The following GRB10 variants were observed in gnomAD, a reference collection of about 807,000 sequenced individuals.
GRB10 encodes growth factor receptor-bound protein 10.
Under a neutral mutation model 80.9 loss-of-function variants are expected in GRB10, and 20 were observed. The ratio of observed to expected loss-of-function variants is 0.25; its 90% CI spans 0.17 to 0.36. GRB10 has a LOEUF of 0.36. Ranked by LOEUF, GRB10 falls within the 10% of genes least tolerant of loss-of-function variation. The pLI, the probability that GRB10 is intolerant of heterozygous loss-of-function variation, is 1.00. For missense variants in GRB10, 548 were observed against 747.7 expected, an observed-to-expected ratio of 0.73 and a Z score of 3.12; for synonymous variants, 291 against 291.5, an observed-to-expected ratio of 1.00 and a Z score of 0.02.
chr7:50,613,759 G>T (rs2050012239), intron 12 of GRB10, among the ~76,000 whole-genome samples: 3 of 152,160 alleles, frequency 2.0e-5, no homozygotes, highest in Admixed American at 1.3e-4. Context: ...GCCTCTAGCT[G>T]GTGTGAATTA....
At chr7:50,790,205 G>A (rs1358650493) in intron 1 of GRB10, among the ~76,000 whole-genome samples, 1 of 152,152 alleles carries the variant, frequency 6.6e-6, no homozygotes, top group Non-Finnish European at 1.5e-5. Context: ...ACCAGCCAGG[G>A]GCTGAATGGA....
At chr7:50,638,136 T>C (rs1448370902) in intron 7 of GRB10, among the ~76,000 whole-genome samples, 1 of 152,160 alleles carries the variant, frequency 6.6e-6, no homozygotes, top group African/African-American at 2.4e-5. Context: ...CAAGATGGAT[T>C]AAAGACTTAA....
At chr7:50,597,527 T>C (rs2046878525) in intron 17 of GRB10, among the ~76,000 whole-genome samples, 2 of 152,158 alleles carry the variant, frequency 1.3e-5, no homozygotes, top group East Asian at 1.9e-4. Flanking sequence ...TAGAGGAAAA[T>C]GTGGGGCGTC....
At chr7:50,667,286 G>A (rs1008013175) in intron 7 of GRB10, among the ~76,000 whole-genome samples, 2 of 152,060 alleles carry the variant, frequency 1.3e-5, no homozygotes, top group South Asian at 2.1e-4. Flanking sequence ...CATAGATTTC[G>A]TTATGCTTTC....
intron 3 of GRB10, among the ~76,000 whole-genome samples, chr7:50,740,604 G>C (rs1013001692): frequency 6.6e-6 from 1 of 151,626 alleles, no homozygotes; most frequent in Admixed American, 6.6e-5. Flanking sequence ...CAATGTTCAC[G>C]GTATATTAAA....
At chr7:50,711,497 G>A (rs2065896928) in intron 4 of GRB10, among the ~76,000 whole-genome samples, 2 of 152,180 alleles carry the variant, frequency 1.3e-5, no homozygotes, top group East Asian at 1.9e-4. Context: ...CAACAGGGAT[G>A]GGGTTTGTCA....
intron 5 of GRB10, among the ~76,000 whole-genome samples, chr7:50,695,556 G>T (rs2063332732): frequency 6.6e-6 from 1 of 152,158 alleles, no homozygotes; most frequent in Admixed American, 6.5e-5. Flanking sequence ...GGCTAATGAG[G>T]TGTAATGCTA....
At chr7:50,781,907 T>C (rs903450287) in intron 1 of GRB10, among the ~76,000 whole-genome samples, 1 of 152,230 alleles carries the variant, frequency 6.6e-6, no homozygotes, top group African/African-American at 2.4e-5. Context: ...AGAGGCAACG[T>C]TGACTATACG....
chr7:50,737,293 C>T (rs942499917), intron 3 of GRB10, among the ~76,000 whole-genome samples: 1 of 152,136 alleles, frequency 6.6e-6, no homozygotes, highest in African/African-American at 2.4e-5. Flanking sequence ...AACACCATCC[C>T]CCTAGTGCTA....
chr7:50,662,655 C>T (rs893456622), intron 7 of GRB10, among the ~76,000 whole-genome samples: 6 of 152,240 alleles, frequency 3.9e-5, no homozygotes, highest in Non-Finnish European at 7.3e-5. Context: ...AGTATTTCAC[C>T]TTGTGGAGCT....
At chr7:50,649,673 C>T (rs542191408) in intron 7 of GRB10, among the ~76,000 whole-genome samples, 1 of 152,066 alleles carries the variant, frequency 6.6e-6, no homozygotes, top group Non-Finnish European at 1.5e-5. Context: ...AGGAGACAGG[C>T]TGCTGTGTCG....
At chr7:50,698,814 T>C (rs531388029) in intron 5 of GRB10, among the ~76,000 whole-genome samples, 29 of 152,378 alleles carry the variant, frequency 1.9e-4, no homozygotes, top group African/African-American at 6.5e-4. Context: ...TTAGGAAACA[T>C]TTTTCAAGTC....
intron 5 of GRB10, among the ~76,000 whole-genome samples, chr7:50,701,106 T>C (rs1018922397): frequency 6.6e-6 from 1 of 152,228 alleles, no homozygotes; most frequent in Non-Finnish European, 1.5e-5. Context: ...GTGTTTTTCA[T>C]ATATATTCCC....
At chr7:50,621,948 C>A (rs1045071184) in intron 8 of GRB10, among the ~76,000 whole-genome samples, 6 of 152,218 alleles carry the variant, frequency 3.9e-5, no homozygotes, top group African/African-American at 1.4e-4. Context: ...TGTGACTCCT[C>A]GGCAGAAACC....
chr7:50,690,794 C>T (rs770471728), intron 5 of GRB10, among the ~76,000 whole-genome samples: 12 of 152,224 alleles, frequency 7.9e-5, no homozygotes, highest in Non-Finnish European at 1.6e-4. Context: ...TGCAAGCATC[C>T]TGACAGCTAA....
At chr7:50,652,329 G>C (rs1302781942) in intron 7 of GRB10, among the ~76,000 whole-genome samples, 1 of 152,188 alleles carries the variant, frequency 6.6e-6, no homozygotes, top group Non-Finnish European at 1.5e-5. Context: ...TCAGGGCCAC[G>C]GTTATGGCAG....
intron 8 of GRB10, among the ~76,000 whole-genome samples, chr7:50,626,602 C>T (rs1307031748): frequency 6.6e-6 from 1 of 152,206 alleles, no homozygotes; most frequent in African/African-American, 2.4e-5. Context: ...GTTATTACCT[C>T]AACCATCCAA....
intron 5 of GRB10, among the ~76,000 whole-genome samples, chr7:50,678,174 G>A (rs145097051): frequency 3.8e-4 from 58 of 152,266 alleles, no homozygotes; most frequent in African/African-American, 1.3e-3. Flanking sequence ...CTGCAATTAG[G>A]TCAAATGCAA....
At chr7:50,639,500 C>CCT (rs10662708) in intron 7 of GRB10, among the ~76,000 whole-genome samples, 51,199 of 151,594 alleles carry the variant, frequency 0.34, 8,778 homozygotes, top group Middle Eastern at 0.53. Context: ...ACGGTGAAAC[C>CCT]GTCTCTACTA....
Sources: allele counts gnomAD v4.1 joint callset (sites outside exome capture counted in the v4.1 genomes callset), GRCh38; gene constraint gnomAD v4.1.1; transcripts MANE v1.5; gene names NCBI Gene and HGNC (gene_info 2026-07-23, HGNC 2026-07-21).